The following PPP6R2 variants were observed in gnomAD, a reference collection of about 807,000 sequenced individuals.
PPP6R2 encodes the protein serine/threonine-protein phosphatase 6 regulatory subunit 2.
PPP6R2 carries 62 observed loss-of-function variants against 100.2 expected under a neutral mutation model. That is an observed-to-expected ratio of 0.62 (90% CI 0.50 to 0.76). The LOEUF is 0.76. PPP6R2 is among the 30% of genes least tolerant of loss of function. PPP6R2 has a pLI of 0.00. For missense variants in PPP6R2, 1,142 were observed against 1,276.3 expected (o/e 0.89, Z 1.60); for synonymous variants, 525 against 514.7 (o/e 1.02, Z -0.27).
intron 10 of PPP6R2, among the ~76,000 whole-genome samples, chr22:50,425,949 A>G (rs1471859616): frequency 1.3e-5 from 2 of 151,542 alleles, no homozygotes; most frequent in Non-Finnish European, 2.9e-5. Context: ...GATATATGCA[A>G]ATATTTTCTT....
At chr22:50,442,433 C>T (rs2065881681) in intron 22 of PPP6R2, among the ~76,000 whole-genome samples, 1 of 152,224 alleles carries the variant, frequency 6.6e-6, no homozygotes, top group South Asian at 2.1e-4. Flanking sequence ...GAAACGGGGC[C>T]AAGGCCGTTT....
In PPP6R2 at chr22:50,439,730, C is replaced by T. The variant is rs1569496258; in HGVS notation, c.2158C>T (p.Pro720Ser). Residue 720 changes from proline to serine, a missense_variant, in exon 20 of 24, where the codon CCA becomes TCA. Physicochemically the swap from Pro to Ser is moderately conservative, Grantham distance 74. Transcript: ENST00000612753. ...GAMWTAVFDE[P>S]ANSTPTAPGV... Reference sequence around the variant, plus strand: ...CATGTGGACGGCAGTGTTTGATGAGCCAGCGAACTCAACGCCCACAGCCCC... The same window carrying T: ...CATGTGGACGGCAGTGTTTGATGAGTCAGCGAACTCAACGCCCACAGCCCC... The T allele has an allele frequency of 1.2e-6, 2 of 1,609,408 alleles. No individual in the cohort carries two copies. Among genetic ancestry groups the T allele is most frequent in the African/African-American group, 1.3e-5 (1 of 74,852 alleles).
At chr22:50,337,312 G>A in the PPP6R2 span, among the ~76,000 whole-genome samples, 14 of 136,024 alleles carry the variant, frequency 1.0e-4, no homozygotes, top group African/African-American at 2.2e-4. Flanking sequence ...GTGTGTGTGC[G>A]CCTGCATGTG....
chr22:50,394,046 C>G lies in PPP6R2; in HGVS notation c.138C>G (p.Asp46Glu). Residue 46 changes from aspartate to glutamate, a missense_variant, in exon 3 of 24, where the codon GAC becomes GAG. This residue lies in a region of PPP6R2 where 592 missense variants were observed against 758.9 expected (regional missense o/e 0.78). Transcript: ENST00000612753. ...AGGCTCAGAACCAGAAGCTGCTGGA[C>G]TTCCTGTGCAGGCAGCAGTGCATGG... ...ECKAQNQKLLDFLCRQQCMEE... is the reference protein window; with the variant it reads ...ECKAQNQKLLEFLCRQQCMEE... 6.2e-7 allele frequency: 1 copy of G among 1,614,220 alleles called. No individual in the cohort carries two copies. The highest frequency in any genetic ancestry group is 8.5e-7 in the Non-Finnish European group (1 of 1,180,042).
At position 50,436,432 on chromosome 22, in the gene PPP6R2, C is replaced by T. The variant is rs998425904; in HGVS notation, c.1582C>T (p.Arg528Cys). 3 of 1,592,608 alleles carry T rather than the reference C, an allele frequency of 1.9e-6. No homozygotes were observed. The highest frequency in any genetic ancestry group is 1.7e-6 in the Non-Finnish European group (2 of 1,171,050). Residue 528 changes from arginine to cysteine, a missense_variant, in exon 14 of 24, where the codon CGC (arginine) becomes TGC (cysteine). This residue lies in a region of PPP6R2 where 592 missense variants were observed against 758.9 expected (regional missense o/e 0.78). Coordinates refer to ENST00000612753, the MANE Select transcript of PPP6R2 (RefSeq NM_001242898.2). Reference sequence around the variant, plus strand: ...GGAGGAGACGCTGACGGAGACGAACCGCAGGAACACTGTGGACCTGGTGAG... The same window carrying T: ...GGAGGAGACGCTGACGGAGACGAACTGCAGGAACACTGTGGACCTGGTGAG... ...FVEETLTETN[R>C]RNTVDLVSTH... is the part of the protein sequence containing the mutation.
intron 22 of PPP6R2, chr22:50,443,570 G>C: frequency 2.1e-6 from 1 of 474,110 alleles, no homozygotes; most frequent in South Asian, 3.1e-5. Context: ...AGCACAGGAG[G>C]CTCTGGGGTC....
chr22:50,439,404 G>A (rs1476324296), intron 19 of PPP6R2, among the ~76,000 whole-genome samples: 2 of 152,154 alleles, frequency 1.3e-5, no homozygotes, highest in Non-Finnish European at 2.9e-5. Flanking sequence ...GTAGGACAGG[G>A]CAGTGGCATC....
At chr22:50,367,254 A>G (rs2048954591) in intron 1 of PPP6R2, among the ~76,000 whole-genome samples, 1 of 152,064 alleles carries the variant, frequency 6.6e-6, no homozygotes, top group African/African-American at 2.4e-5. Context: ...GTAGGCATCA[A>G]AGCACTTGGA....
chr22:50,444,556 CCT>C lies in PPP6R2; in HGVS notation c.*310_*311del. 2.7e-6 allele frequency: 1 copy of C among 364,250 alleles called. No individual in the cohort carries two copies. The highest frequency in any genetic ancestry group is 4.9e-6 in the Non-Finnish European group (1 of 202,762). The allele number at this position is 364,250 out of a possible 1,614,324, so 22.6% of individuals were successfully genotyped here. On this transcript the variant is annotated 3_prime_UTR_variant, in exon 24 of 24. Transcript: ENST00000612753. ...GGGGTGGGGGTGGGGGGGGCAGGAC[CCT>C]GAGATGCCACCAGGACCTGATGGGC...
At chr22:50,437,095 C>T in intron 15 of PPP6R2, 27 bp downstream of exon 15, 2 of 1,539,896 alleles carry the variant, frequency 1.3e-6, no homozygotes, top group South Asian at 2.4e-5. Context: ...CACCTGCACC[C>T]TGCCGGGCCC....
chr22:50,375,943 C>T (rs754535099), intron 2 of PPP6R2, among the ~76,000 whole-genome samples: 3 of 147,966 alleles, frequency 2.0e-5, no homozygotes, highest in Admixed American at 7.0e-5. Context: ...CAGGTTGAAG[C>T]GATTCTCCTA....
At position 50,414,579 on chromosome 22, in the gene PPP6R2, A is replaced by G. The variant is rs201267178; in HGVS notation, c.442A>G (p.Lys148Glu). 9 of 1,613,906 alleles carry G rather than the reference A, an allele frequency of 5.6e-6. No homozygotes were observed. In the African/African-American group the frequency reaches 9.3e-5, roughly 17 times the overall value. The change falls in exon 5 of 24, where the codon AAG becomes GAG. Residue 148 changes from lysine (K) to glutamate (E), a missense_variant. By Grantham distance (56) the Lys-to-Glu change is moderately conservative. Around this residue, in one of 2 missense-constraint regions of PPP6R2, gnomAD observed 592 missense variants for 758.9 expected, o/e 0.78. Coordinates refer to ENST00000612753, the MANE Select transcript of PPP6R2 (RefSeq NM_001242898.2). ...QVITFLKKKD[K>E]FISLVLKHIG... The stretch of plus-strand genomic sequence containing the variant: ...GATTACGTTTTTGAAGAAGAAGGAC[A>G]AGTTCATCAGCCTGGTGTTGAAGCA...
rs1213593672 is a variant in PPP6R2, at chr22:50,406,865, A to G, written c.404A>G (p.Lys135Arg). The G allele has an allele frequency of 1.9e-6, 3 of 1,613,830 alleles. No individual in the cohort carries two copies. In the Admixed American group the frequency reaches 5.0e-5, roughly 27 times the overall value. ...SKTIGNLIAR[K>R]TEQVITFLKK... Reference sequence around the variant, plus strand: ...ACCATTGGCAATCTCATTGCAAGAAAAACCGAACAGGTAAATCACGTGCAA... The same window carrying G: ...ACCATTGGCAATCTCATTGCAAGAAGAACCGAACAGGTAAATCACGTGCAA... The change falls in exon 4 of 24, where the codon AAA (lysine) becomes AGA (arginine). Residue 135 changes from lysine to arginine, a missense_variant. Physicochemically the swap from Lys to Arg is conservative, Grantham distance 26. Transcript: ENST00000612753.
In PPP6R2 at chr22:50,360,317, C is replaced by T. The variant is rs879286809; in HGVS notation, c.-147-11703C>T. The stretch of plus-strand genomic sequence containing the variant: ...CTGCCTGCCTTGGCCTCCCAAAGTG[C>T]TGGGATTATAGGCGTGAGCCACCAT... On this transcript the variant is annotated intron_variant, in intron 1 of 23. Coordinates refer to ENST00000612753, the MANE Select transcript of PPP6R2 (RefSeq NM_001242898.2). Among the ~76,000 whole-genome samples, 1,123 of 149,662 alleles carry T rather than the reference C, an allele frequency of 7.5e-3. 8 individuals carry two copies. The highest frequency in any genetic ancestry group is 9.9e-3 in the Non-Finnish European group (668 of 67,674).
the PPP6R2 span, among the ~76,000 whole-genome samples, chr22:50,334,291 A>G: frequency 6.6e-6 from 1 of 152,242 alleles, no homozygotes; most frequent in Non-Finnish European, 1.5e-5. Context: ...CCGCTAGACC[A>G]AGGAGTCCTC....
intron 3 of PPP6R2, among the ~76,000 whole-genome samples, chr22:50,402,616 A>C (rs1317623783): frequency 6.6e-6 from 1 of 152,090 alleles, no homozygotes; most frequent in Non-Finnish European, 1.5e-5. Context: ...CGGCTGCTTC[A>C]GTCCTCCAGG....
intron 2 of PPP6R2, among the ~76,000 whole-genome samples, chr22:50,382,424 C>T (rs2053296093): frequency 6.6e-6 from 1 of 151,626 alleles, no homozygotes; most frequent in Admixed American, 6.6e-5. Context: ...TGGTGAAACC[C>T]CGTCTCTACT....
intron 10 of PPP6R2, among the ~76,000 whole-genome samples, chr22:50,424,321 C>T (rs1187990039): frequency 1.4e-5 from 2 of 139,460 alleles, no homozygotes; most frequent in Non-Finnish European, 3.1e-5. Context: ...TGGCTCAGTT[C>T]TGTCAGCGTG....
chr22:50,376,333 G>A (rs2051546525), intron 2 of PPP6R2, among the ~76,000 whole-genome samples: 1 of 151,994 alleles, frequency 6.6e-6, no homozygotes, highest in African/African-American at 2.4e-5. Flanking sequence ...AAAACCCCCA[G>A]AAAATGAAAA....
Sources: allele counts gnomAD v4.1 joint callset (sites outside exome capture counted in the v4.1 genomes callset), GRCh38; gene constraint gnomAD v4.1.1; regional missense constraint gnomAD v4.1.1; transcripts MANE v1.5; gene names NCBI Gene and HGNC (gene_info 2026-07-23, HGNC 2026-07-21).